PSMG4: variants seen among roughly 807,000 people sequenced by gnomAD.
PSMG4 encodes proteasome (prosome, macropain) assembly chaperone 4.
In PSMG4, 10 loss-of-function variants were observed where a neutral mutation model predicts 11.0. The ratio of observed to expected loss-of-function variants is 0.91; its 90% CI spans 0.56 to 1.54. PSMG4 has a LOEUF of 1.54. Among genes scored for constraint, PSMG4 ranks in the 40% most tolerant of loss-of-function variants. PSMG4 has a pLI of 0.00. For missense variants in PSMG4, 198 were observed against 160.9 expected (o/e 1.23, Z -1.25); for synonymous variants, 95 against 71.3 (o/e 1.33, Z -1.68).
upstream of PSMG4, chr6:3,255,028 G>A (rs1465181940): frequency 3.9e-6 from 6 of 1,549,090 alleles, no homozygotes; most frequent in African/African-American, 6.8e-5. Context: ...TGGGATAATG[G>A]CGCTTTCTGA....
chr6:3,258,991 C>G lies in PSMG4; in HGVS notation c.-32C>G, dbSNP rs1757857978. 3 of 1,239,738 alleles carry G rather than the reference C, an allele frequency of 2.4e-6. No individual in the cohort carries two copies. Among genetic ancestry groups the G allele is most frequent in the Non-Finnish European group, 3.0e-6 (3 of 991,324 alleles). 76.8% of individuals were successfully genotyped at this position (1,239,738 alleles called of 1,614,324 possible). ...GGCTGGCAGCGGCGAGGACCCGGGT[C>G]TGGCGCTGTGGGCCGGGAGCCGTGG... On this transcript the variant is annotated 5_prime_UTR_variant, in exon 1 of 3. Transcript: ENST00000438998.
chr6:3,257,866 C>T (rs1002609951), upstream of PSMG4, among the ~76,000 whole-genome samples: 1 of 152,208 alleles, frequency 6.6e-6, no homozygotes, highest in Non-Finnish European at 1.5e-5. Flanking sequence ...GTATGTTAAT[C>T]ACATTTTAAT....
intron 2 of PSMG4, chr6:3,265,188 G>A (rs13207413): frequency 0.83 from 126,254 of 152,046 alleles, 52,692 homozygotes; most frequent in Non-Finnish European, 0.87. Flanking sequence ...CGTCTCTTAA[G>A]GGAATGGTGC....
At chr6:3,263,363 C>T (rs889053576) in intron 1 of PSMG4, among the ~76,000 whole-genome samples, 19 of 152,214 alleles carry the variant, frequency 1.2e-4, no homozygotes, top group Non-Finnish European at 1.8e-4. Context: ...GTTTGCTTCC[C>T]TTTTGGTTGT....
At chr6:3,255,252 T>C (rs746127786), upstream of PSMG4, 2 of 1,548,192 alleles carry the variant, frequency 1.3e-6, no homozygotes, top group Non-Finnish European at 1.7e-6. Flanking sequence ...TGCTGTTGGG[T>C]TCTGTGTTAC....
intron 1 of PSMG4, among the ~76,000 whole-genome samples, chr6:3,259,461 G>A (rs1757889702): frequency 6.6e-6 from 1 of 152,226 alleles, no homozygotes; most frequent in Non-Finnish European, 1.5e-5. Context: ...GAATGTCTTG[G>A]GTCTGTCCTC....
chr6:3,260,727 A>AT (rs1561841231), intron 1 of PSMG4, among the ~76,000 whole-genome samples: 1 of 152,158 alleles, frequency 6.6e-6, no homozygotes, highest in Non-Finnish European at 1.5e-5. Flanking sequence ...ACTTCAACAT[A>AT]TTTTTTGGGG....
intron 1 of PSMG4, among the ~76,000 whole-genome samples, chr6:3,263,004 T>C (rs1455038406): frequency 1.3e-5 from 2 of 152,328 alleles, no homozygotes; most frequent in South Asian, 2.1e-4. Flanking sequence ...CCAAAGTAGT[T>C]GGGAGCAGTT....
chr6:3,255,051 G>GAACA (rs1164636006), upstream of PSMG4: 1 of 1,550,578 alleles, frequency 6.4e-7, no homozygotes, highest in Non-Finnish European at 8.7e-7. Context: ...CTCTGGACAG[G>GAACA]AACAAACACA....
chr6:3,266,161 A>G (rs1421285517), intron 2 of PSMG4: 1 of 151,820 alleles, frequency 6.6e-6, no homozygotes, highest in Non-Finnish European at 1.5e-5. Flanking sequence ...CCTCTCCTCA[A>G]TTTCCAAACA....
In PSMG4 at chr6:3,259,172, C is replaced by T; in HGVS notation, c.150C>T (p.Leu50=). The T allele has an allele frequency of 1.5e-6, 2 of 1,309,820 alleles. No individual in the cohort carries two copies. Among genetic ancestry groups the T allele is most frequent in the Admixed American group, 4.0e-5 (1 of 24,926 alleles). The allele number at this position is 1,309,820 out of a possible 1,614,324, so 81.1% of individuals were successfully genotyped here. A position where few individuals can be genotyped will look rare whatever the true frequency, so the allele number is the denominator to read the frequency against. Residue 50 remains leucine (L), a synonymous_variant, in exon 1 of 3, where the codon CTC becomes CTT. Coordinates refer to ENST00000438998, the MANE Select transcript of PSMG4 (RefSeq NM_001128591.2). ...GGGCCACGCCGCACCTGCGCAACCT[C>T]GCCGTGGCCATGTGCAGCCGCTACG... ...WVGATPHLRN[L]AVAMCSRYDS... is the part of the protein sequence containing the mutation.
chr6:3,263,586 C>A, intron 1 of PSMG4, 98 bp from the exon 2 acceptor site: 1 of 1,068,230 alleles, frequency 9.4e-7, no homozygotes, highest in Non-Finnish European at 1.3e-6. Flanking sequence ...GAACCTGCCA[C>A]TGCCATCGTC....
At chr6:3,259,743 G>A (rs1272650708) in intron 1 of PSMG4, among the ~76,000 whole-genome samples, 1 of 152,116 alleles carries the variant, frequency 6.6e-6, no homozygotes, top group Non-Finnish European at 1.5e-5. Context: ...GAGTCCCTAG[G>A]CACTGCCGCC....
At position 3,267,803 on chromosome 6, in the gene PSMG4, C is replaced by T; in HGVS notation, c.*91C>T. On this transcript the variant is annotated 3_prime_UTR_variant, in exon 3 of 3. Coordinates refer to ENST00000438998, the MANE Select transcript of PSMG4 (RefSeq NM_001128591.2). ...TTCAGTTTGTCATCAGGCCGCGCTC[C>T]CGTTTTGTTTTTAAGGGGTTAATCT... The T allele has an allele frequency of 2.2e-6, 3 of 1,363,014 alleles. No homozygotes were observed. The highest frequency in any genetic ancestry group is 3.0e-6 in the Non-Finnish European group (3 of 999,218). The allele number at this position is 1,363,014 out of a possible 1,614,324, so 84.4% of individuals were successfully genotyped here.
At chr6:3,264,366 C>G (rs1228712685) in intron 2 of PSMG4, 1 of 1,536,190 alleles carries the variant, frequency 6.5e-7, no homozygotes, top group South Asian at 1.2e-5. Context: ...GCCCCAGTGC[C>G]TGTGGCCAGT....
At chr6:3,256,079 A>G (rs1453373783), upstream of PSMG4, among the ~76,000 whole-genome samples, 1 of 152,208 alleles carries the variant, frequency 6.6e-6, no homozygotes, top group African/African-American at 2.4e-5. Context: ...TATGAAGTCT[A>G]CCACCACTGC....
Position 3,260,044 on chromosome 6 carries a change from A to G in PSMG4, c.174+848A>G, listed in dbSNP as rs559947247. Among the ~76,000 whole-genome samples, 25 of 151,994 alleles carry G rather than the reference A, an allele frequency of 1.6e-4. No individual in the cohort carries two copies. In the East Asian group the frequency reaches 4.5e-3, roughly 27 times the overall value. The stretch of plus-strand genomic sequence containing the variant: ...CACCTCAAACTCCTGGGCTTAAGTG[A>G]TCCTCCTTCCTCAGCCTCCCGAGTA... On this transcript the variant is annotated intron_variant, in intron 1 of 2. Transcript: ENST00000438998.
chr6:3,259,284 C>A (rs1275600300), intron 1 of PSMG4, 88 bp downstream of exon 1: 12 of 1,151,682 alleles, frequency 1.0e-5, no homozygotes, highest in Non-Finnish European at 1.3e-5. Flanking sequence ...CCAGGCTTCT[C>A]TTGGGTCCAC....
chr6:3,254,499 GTGTA>G (rs1561835727), upstream of PSMG4, among the ~76,000 whole-genome samples: 11 of 151,794 alleles, frequency 7.2e-5, no homozygotes, highest in African/African-American at 2.7e-4. Context: ...GTGGTTTTTT[GTGTA>G]TGTGTTGGGT....
Sources: allele counts gnomAD v4.1 joint callset (sites outside exome capture counted in the v4.1 genomes callset), GRCh38; gene constraint gnomAD v4.1.1; transcripts MANE v1.5; gene names NCBI Gene and HGNC (gene_info 2026-07-23, HGNC 2026-07-21).